Variants in PDE11A observed in about 807,000 individuals in gnomAD.
The protein encoded by PDE11A is phosphodiesterase 11A, also known as dual 3',5'-cyclic-AMP and -GMP phosphodiesterase 11A.
A neutral mutation model predicts 100.5 loss-of-function variants in PDE11A; 100 were observed. That is an observed-to-expected ratio of 1.00 (90% CI 0.85 to 1.18). The LOEUF (loss-of-function observed/expected upper bound fraction) is 1.18, where lower values mean the gene tolerates loss of function less well. PDE11A is among the 50% of genes most tolerant of loss of function. The probability of loss-of-function intolerance (pLI) is 0.00; values close to 1 mark genes in which losing one functional copy is unlikely to be tolerated. For synonymous variants in PDE11A, 381 were observed against 420.8 expected (o/e 0.91, Z 1.16); for missense variants, 1,141 against 1,152.6 (o/e 0.99, Z 0.15).
intron 10 of PDE11A, among the ~76,000 whole-genome samples, chr2:177,736,343 C>T (rs887614116): frequency 6.6e-6 from 1 of 151,904 alleles, no homozygotes; most frequent in Non-Finnish European, 1.5e-5. Context: ...GAAACTCCGT[C>T]TCTATTAAAA....
At chr2:177,763,708 G>A (rs2082200767) in intron 10 of PDE11A, among the ~76,000 whole-genome samples, 1 of 152,210 alleles carries the variant, frequency 6.6e-6, no homozygotes, top group Non-Finnish European at 1.5e-5. Flanking sequence ...TTGGGTAAAT[G>A]CCATGGTGTT....
At chr2:177,750,259 T>G (rs1016789560) in intron 10 of PDE11A, among the ~76,000 whole-genome samples, 1 of 152,220 alleles carries the variant, frequency 6.6e-6, no homozygotes, top group Non-Finnish European at 1.5e-5. Context: ...TGGGGGCAAT[T>G]TATAACTCAA....
intron 9 of PDE11A, among the ~76,000 whole-genome samples, chr2:177,800,536 G>A (rs779882264): frequency 2.6e-4 from 39 of 152,032 alleles, no homozygotes; most frequent in Non-Finnish European, 3.8e-4. Context: ...AAAAACCCTC[G>A]TAGCAGCGTA....
At chr2:177,969,139 G>A (rs1478212231) in intron 2 of PDE11A, among the ~76,000 whole-genome samples, 29 of 152,130 alleles carry the variant, frequency 1.9e-4, no homozygotes, top group Admixed American at 1.8e-3. Context: ...GAAGCTGGAA[G>A]CCATCATTCT....
intron 2 of PDE11A, among the ~76,000 whole-genome samples, chr2:177,971,115 C>T (rs2085763945): frequency 6.6e-6 from 1 of 152,170 alleles, no homozygotes; most frequent in South Asian, 2.1e-4. Flanking sequence ...AACAAGAAAA[C>T]CCTACCTCTT....
intron 19 of PDE11A, among the ~76,000 whole-genome samples, chr2:177,660,052 T>TCTCC: frequency 1.1e-4 from 1 of 9,412 alleles, no homozygotes; most frequent in African/African-American, 1.8e-4. Context: ...TCTTTCTTTC[T>TCTCC]TTCTTTCTTT....
rs575643657 is a variant in PDE11A at position 177,904,881 on chromosome 2, C to T, written c.1161+217G>A. ...TTTCATTTTTAAAAGAAGCTTGTAC[C>T]CCTTCCCCCAAATAACAACAGATAA... is the stretch of plus-strand genomic sequence containing the variant. On this transcript the variant is annotated intron_variant, in intron 3 of 19. Transcript: ENST00000286063. 2.0e-5 allele frequency among the ~76,000 whole-genome samples: 3 copies of T among 152,194 alleles called. No individual in the cohort carries two copies. The South Asian group carries it at 6.2e-4, about 32-fold the overall frequency.
chr2:177,855,387 T>G (rs1021772137), intron 5 of PDE11A, among the ~76,000 whole-genome samples: 7 of 152,040 alleles, frequency 4.6e-5, no homozygotes, highest in African/African-American at 1.7e-4. Context: ...AAAATCAACT[T>G]TTTCAGAACT....
Position 177,996,333 on chromosome 2 carries a change from G to T in PDE11A, c.1071+17969C>A, listed in dbSNP as rs1039141353. Among the ~76,000 whole-genome samples the T allele has an allele frequency of 3.7e-4, 56 of 151,806 alleles. 3 individuals are homozygous for T. Among genetic ancestry groups the T allele is most frequent in the Non-Finnish European group, 1.5e-5 (1 of 67,966 alleles). On this transcript the variant is annotated intron_variant, in intron 2 of 19. Transcript: ENST00000286063. ...AACTGACTTAGAATCCTTGGCTACT[G>T]GGAGTAAAAACCTAAATAACAAGTT...
At chr2:177,860,935 T>C (rs77557450) in intron 5 of PDE11A, among the ~76,000 whole-genome samples, 4,174 of 151,868 alleles carry the variant, frequency 0.027, 187 homozygotes, top group African/African-American at 0.096. Flanking sequence ...AGAAGGGAAC[T>C]TCCTCAAACT....
At chr2:177,788,777 T>G (rs1054244749) in intron 9 of PDE11A, among the ~76,000 whole-genome samples, 3 of 152,162 alleles carry the variant, frequency 2.0e-5, no homozygotes, top group African/African-American at 7.2e-5. Flanking sequence ...TCAAATAAAC[T>G]AGAAAATCTA....
At chr2:177,787,043 C>T (rs1337645998) in intron 9 of PDE11A, among the ~76,000 whole-genome samples, 1 of 142,634 alleles carries the variant, frequency 7.0e-6, no homozygotes, top group Non-Finnish European at 1.5e-5. Flanking sequence ...GAGAACGCCA[C>T]AAAGATACTC....
chr2:178,046,664 T>C (rs1449689456), intron 1 of PDE11A, among the ~76,000 whole-genome samples: 2 of 152,150 alleles, frequency 1.3e-5, no homozygotes, highest in African/African-American at 2.4e-5. Flanking sequence ...GACTTAAACA[T>C]GGTTGGCTTT....
At chr2:177,941,338 T>C (rs1329987571) in intron 2 of PDE11A, among the ~76,000 whole-genome samples, 1 of 152,152 alleles carries the variant, frequency 6.6e-6, no homozygotes, top group East Asian at 1.9e-4. Flanking sequence ...CTTTATCAGT[T>C]AAATTCCTCA....
chr2:177,857,581 T>G (rs2083863379), intron 5 of PDE11A, among the ~76,000 whole-genome samples: 1 of 151,984 alleles, frequency 6.6e-6, no homozygotes, highest in Non-Finnish European at 1.5e-5. Flanking sequence ...AGTTTTTGTA[T>G]ACTATGGATA....
rs758001894 is a variant in PDE11A, at chr2:177,946,080, C to T, written c.1072-40893G>A. 1.6e-3 allele frequency among the ~76,000 whole-genome samples: 200 copies of T among 126,756 alleles called. 1 individual carries two copies. Among genetic ancestry groups the T allele is most frequent in the Non-Finnish European group, 2.5e-3 (146 of 59,374 alleles). The allele number at this position is 126,756 out of a possible 152,430, so 83.2% of individuals were successfully genotyped here. On this transcript the variant is annotated intron_variant, in intron 2 of 19. Transcript: ENST00000286063. ...GGGGTCAGCCCCCCGCCTGGCCAGCCGCCCCGTCCGGGATGGAGGTGGGGG... is the reference window on the plus strand; with the variant it reads ...GGGGTCAGCCCCCCGCCTGGCCAGCTGCCCCGTCCGGGATGGAGGTGGGGG...
intron 2 of PDE11A, among the ~76,000 whole-genome samples, chr2:178,099,941 A>C (rs1003573253): frequency 6.6e-6 from 1 of 152,216 alleles, no homozygotes; most frequent in Admixed American, 6.5e-5. Context: ...AAAAGATAGA[A>C]ATTTCAACAC....
intron 2 of PDE11A, among the ~76,000 whole-genome samples, chr2:177,928,993 C>T (rs893812594): frequency 1.3e-5 from 2 of 151,924 alleles, no homozygotes; most frequent in Admixed American, 6.6e-5. Context: ...TCTTTTAGGT[C>T]GACATGGGGG....
intron 2 of PDE11A, among the ~76,000 whole-genome samples, chr2:177,980,502 T>C (rs2085867472): frequency 6.6e-6 from 1 of 150,950 alleles, no homozygotes. Context: ...GTTCTCAGAA[T>C]GATTGGGTTA....
Sources: gnomAD v4.1 joint callset for allele counts (sites outside exome capture counted in the v4.1 genomes callset) on GRCh38, gnomAD v4.1.1 for gene constraint, MANE v1.5 for transcripts, NCBI Gene and HGNC (gene_info 2026-07-23, HGNC 2026-07-21) for gene names.